PHACTR1: variants seen among roughly 807,000 people sequenced by gnomAD.
The protein encoded by PHACTR1 is RPEL repeat containing 1.
A neutral mutation model predicts 69.2 loss-of-function variants in PHACTR1; 16 were observed. The ratio of observed to expected loss-of-function variants is 0.23; its 90% CI spans 0.16 to 0.35. The LOEUF is 0.35. Ranked by LOEUF, PHACTR1 falls within the 10% of genes least tolerant of loss-of-function variation. PHACTR1 has a pLI of 1.00. For synonymous variants in PHACTR1, 312 were observed against 284.5 expected, an observed-to-expected ratio of 1.10 and a Z score of -0.97; for missense variants, 510 against 734.7, an observed-to-expected ratio of 0.69 and a Z score of 3.54.
At chr6:12,739,116 G>A (rs1764700201) in intron 3 of PHACTR1, among the ~76,000 whole-genome samples, 1 of 152,108 alleles carries the variant, frequency 6.6e-6, no homozygotes, top group South Asian at 2.1e-4. Flanking sequence ...GCATTTTGGG[G>A]AATGCTGTTT....
intron 8 of PHACTR1, among the ~76,000 whole-genome samples, chr6:13,208,837 G>C (rs1766342867): frequency 6.6e-6 from 1 of 152,168 alleles, no homozygotes; most frequent in Admixed American, 6.5e-5. Context: ...GGATATTTCA[G>C]TTTAATTTAG....
At chr6:12,806,608 G>A (rs552779775) in intron 4 of PHACTR1, among the ~76,000 whole-genome samples, 8 of 152,062 alleles carry the variant, frequency 5.3e-5, no homozygotes, top group South Asian at 2.1e-4. Flanking sequence ...CAGCCACCTC[G>A]CCCAGCTATA....
intron 4 of PHACTR1, among the ~76,000 whole-genome samples, chr6:12,889,478 C>T (rs1783956552): frequency 6.6e-6 from 1 of 152,162 alleles, no homozygotes; most frequent in South Asian, 2.1e-4. Context: ...AATGTATAGG[C>T]TTGGAAAGGA....
intron 4 of PHACTR1, among the ~76,000 whole-genome samples, chr6:12,828,478 A>G (rs773747918): frequency 3.9e-4 from 60 of 152,130 alleles, no homozygotes; most frequent in Non-Finnish European, 7.6e-4. Flanking sequence ...CTATGGTGGA[A>G]TTTCTATTCT....
At chr6:13,096,514 C>T (rs1814273920) in intron 5 of PHACTR1, among the ~76,000 whole-genome samples, 1 of 152,144 alleles carries the variant, frequency 6.6e-6, no homozygotes, top group Non-Finnish European at 1.5e-5. Context: ...GTGTTGGTGA[C>T]ACTGTGAGTA....
chr6:12,752,298 GTGT>G (rs1175309061), intron 4 of PHACTR1, among the ~76,000 whole-genome samples: 7 of 152,156 alleles, frequency 4.6e-5, no homozygotes, highest in Non-Finnish European at 8.8e-5. Flanking sequence ...TAAACTATTA[GTGT>G]TGTTATCAGC....
chr6:12,864,958 A>C (rs563157108), intron 4 of PHACTR1, among the ~76,000 whole-genome samples: 1 of 152,304 alleles, frequency 6.6e-6, no homozygotes, highest in South Asian at 2.1e-4. Context: ...CTTCATTGCT[A>C]TCTACACAAC....
chr6:13,105,671 G>A (rs1433401298), intron 5 of PHACTR1, among the ~76,000 whole-genome samples: 3 of 152,094 alleles, frequency 2.0e-5, no homozygotes, highest in Non-Finnish European at 4.4e-5. Flanking sequence ...AAATCTAAGG[G>A]TTTCTACCTT....
At chr6:13,279,025 T>G (rs1199923071) in intron 12 of PHACTR1, among the ~76,000 whole-genome samples, 1 of 118,028 alleles carries the variant, frequency 8.5e-6, no homozygotes, top group Non-Finnish European at 1.7e-5. Context: ...CCTGGGAAAG[T>G]ATAGACTTTT....
At chr6:13,280,076 CTT>C (rs1418627265) in intron 12 of PHACTR1, 1 of 152,168 alleles carries the variant, frequency 6.6e-6, no homozygotes, top group Admixed American at 6.5e-5. Context: ...ATTCCTATCT[CTT>C]AACAAAGTTG....
chr6:13,277,803 A>C (rs1779237699), intron 11 of PHACTR1, among the ~76,000 whole-genome samples: 1 of 152,152 alleles, frequency 6.6e-6, no homozygotes, highest in African/African-American at 2.4e-5. Flanking sequence ...TTTTAAAATT[A>C]GTCAGGTGTG....
At chr6:13,197,380 G>A (rs1249920843) in intron 7 of PHACTR1, among the ~76,000 whole-genome samples, 1 of 152,156 alleles carries the variant, frequency 6.6e-6, no homozygotes, top group East Asian at 1.9e-4. Context: ...GAGCTGTGTA[G>A]TTATTAATCT....
At chr6:12,938,611 A>G (rs1243177075) in intron 4 of PHACTR1, among the ~76,000 whole-genome samples, 1 of 152,026 alleles carries the variant, frequency 6.6e-6, no homozygotes, top group Non-Finnish European at 1.5e-5. Context: ...TATAATTTGA[A>G]AGCTTTTAAC....
rs558592909 is a variant in PHACTR1, at chr6:12,880,676, A to G, written c.250+130886A>G. The stretch of plus-strand genomic sequence containing the variant: ...AGCCCCAGAATGGATCCCAAAATAT[A>G]TAATATGGGTTTTTATAACCTAAGC... On this transcript the variant is annotated intron_variant, in intron 4 of 14. Coordinates refer to ENST00000332995, the MANE Select transcript of PHACTR1 (RefSeq NM_030948.6). Among the ~76,000 whole-genome samples, 5 of 152,342 alleles carry G rather than the reference A, an allele frequency of 3.3e-5. No individual in the cohort carries two copies. In the South Asian group the frequency reaches 1.0e-3, roughly 32 times the overall value.
intron 3 of PHACTR1, among the ~76,000 whole-genome samples, chr6:12,738,753 C>T (rs955770503): frequency 6.6e-6 from 1 of 152,078 alleles, no homozygotes; most frequent in East Asian, 1.9e-4. Context: ...GTCCCGGCTA[C>T]TCAAGTGGGC....
intron 4 of PHACTR1, among the ~76,000 whole-genome samples, chr6:12,894,069 G>A (rs1027417914): frequency 2.0e-5 from 3 of 152,168 alleles, no homozygotes; most frequent in Non-Finnish European, 2.9e-5. Flanking sequence ...AAGCGTTCTC[G>A]CCATCTTGTG....
chr6:13,245,949 A>G lies in PHACTR1; in HGVS notation c.1391+15756A>G, dbSNP rs894568185. On this transcript the variant is annotated intron_variant, in intron 10 of 14. Transcript: ENST00000332995. This position sits in a 1 kb window ranked among gnomAD's most constrained non-coding sequence, Gnocchi z 4.1. ...CATTAGGATCTCAGAGTGTAATAGA[A>G]CATTTTAGAACTTAAATGGACATTT... Among the ~76,000 whole-genome samples, 1 of 152,156 alleles carries G rather than the reference A, an allele frequency of 6.6e-6. No individual in the cohort carries two copies. The highest frequency in any genetic ancestry group is 2.4e-5 in the African/African-American group (1 of 41,430).
chr6:12,912,770 T>C (rs1302947109), intron 4 of PHACTR1, among the ~76,000 whole-genome samples: 1 of 152,124 alleles, frequency 6.6e-6, no homozygotes, highest in Non-Finnish European at 1.5e-5. Context: ...CAGGGCAATA[T>C]GGCAAAACCC....
intron 4 of PHACTR1, among the ~76,000 whole-genome samples, chr6:12,772,692 C>G (rs4577783): frequency 0.079 from 12,024 of 152,202 alleles, 553 homozygotes; most frequent in Admixed American, 0.11. Flanking sequence ...CTCAAATACT[C>G]AGCAAATATA....
Sources: allele counts gnomAD v4.1 joint callset (sites outside exome capture counted in the v4.1 genomes callset), GRCh38; gene constraint gnomAD v4.1.1; non-coding constraint Gnocchi (gnomAD v3.1); transcripts MANE v1.5; gene names NCBI Gene and HGNC (gene_info 2026-07-23, HGNC 2026-07-21).